Variants in CIPC observed in about 807,000 individuals in gnomAD.
CIPC encodes CLOCK-interacting pacemaker.
In CIPC, 12 loss-of-function variants were observed where a neutral mutation model predicts 26.7. The ratio of observed to expected loss-of-function variants is 0.45; its 90% confidence interval spans 0.29 to 0.73. The LOEUF (loss-of-function observed/expected upper bound fraction) is 0.73, where lower values mean the gene tolerates loss of function less well. CIPC is among the 30% of genes least tolerant of loss of function. The pLI is 0.12. For missense variants in CIPC, 417 were observed against 486.5 expected (o/e 0.86, Z 1.34); for synonymous variants, 170 against 189.8 (o/e 0.90, Z 0.86).
intron 1 of CIPC, among the ~76,000 whole-genome samples, chr14:77,100,595 G>A (rs1396289485): frequency 6.7e-6 from 1 of 149,010 alleles, no homozygotes; most frequent in Non-Finnish European, 1.5e-5. Context: ...TCTTTTGACG[G>A]AGTCTCACTC....
rs1273808964 is a variant in CIPC at position 77,113,914 on chromosome 14, G to A, written c.796G>A (p.Val266Ile). 1.2e-6 allele frequency: 2 copies of A among 1,614,182 alleles called. No individual in the cohort carries two copies. Among genetic ancestry groups the A allele is most frequent in the South Asian group, 1.1e-5 (1 of 91,090 alleles). ...GACCTTCGCTTCCCCCGCCAGTCCT[G>A]TCTGCGCATCAGACAGCACTCTCCA... Reference protein sequence around the residue: ...SLTFASPASPVCASDSTLHGL... With the variant: ...SLTFASPASPICASDSTLHGL... The change falls in exon 4 of 4, where the codon GTC becomes ATC. Residue 266 changes from valine to isoleucine, a missense_variant. Transcript: ENST00000361786.
Position 77,105,716 on chromosome 14 carries a change from G to A in CIPC, c.8G>A (p.Arg3Lys), listed in dbSNP as rs561538254. Residue 3 changes from arginine (R) to lysine (K), a missense_variant, in exon 2 of 4, where the codon AGG becomes AAG. By Grantham distance (26) the Arg-to-Lys change is conservative. Transcript: ENST00000361786. ME[R>K]KNPSRESPRR... ...CCTCCAGCTGAATAAACCATGGAGA[G>A]GAAAAACCCATCCAGAGAGAGCCCC... 3 of 1,613,964 alleles carry A rather than the reference G, an allele frequency of 1.9e-6. No homozygotes were observed. Among genetic ancestry groups the A allele is most frequent in the African/African-American group, 1.3e-5 (1 of 75,016 alleles).
chr14:77,108,113 A>G (rs1886626109), intron 2 of CIPC, among the ~76,000 whole-genome samples: 1 of 152,048 alleles, frequency 6.6e-6, no homozygotes, highest in Non-Finnish European at 1.5e-5. Context: ...TAGCATCTTG[A>G]CCAGAATACT....
In CIPC at chr14:77,114,233, G is replaced by C. The variant is rs1384753657; in HGVS notation, c.1115G>C (p.Trp372Ser). Residue 372 changes from tryptophan (W) to serine (S), a missense_variant, in exon 4 of 4, where the codon TGG (tryptophan) becomes TCG (serine). By Grantham distance (177) the Trp-to-Ser change is radical. Transcript: ENST00000361786. ...EATKSRAPQA[W>S]AKLQASLTPG... ...ACCAAGAGCAGGGCCCCTCAGGCTTGGGCCAAGCTGCAGGCATCTTTAACA... is the reference window on the plus strand; with the variant it reads ...ACCAAGAGCAGGGCCCCTCAGGCTTCGGCCAAGCTGCAGGCATCTTTAACA... 1 of 1,614,064 alleles carries C rather than the reference G, an allele frequency of 6.2e-7. No homozygotes were observed. The highest frequency in any genetic ancestry group is 8.5e-7 in the Non-Finnish European group (1 of 1,180,008).
Position 77,117,051 on chromosome 14 carries a change from T to C in CIPC, c.*2733T>C, listed in dbSNP as rs2140038729. 6.6e-6 allele frequency: 1 copy of C among 152,590 alleles called. No homozygotes were observed. The highest frequency in any genetic ancestry group is 2.1e-4 in the South Asian group (1 of 4,828). The allele number at this position is 152,590 out of a possible 1,614,324, so 9.5% of individuals were successfully genotyped here. A position where few individuals can be genotyped will look rare whatever the true frequency, so the allele number is the denominator to read the frequency against. Reference sequence around the variant, plus strand: ...GAATGGAATTTAATGACATTTGTAATTTATTACACTCATTGGTTTTTATTG... The same window carrying C: ...GAATGGAATTTAATGACATTTGTAACTTATTACACTCATTGGTTTTTATTG... On this transcript the variant is annotated 3_prime_UTR_variant, in exon 4 of 4. Transcript: ENST00000361786.
chr14:77,109,725 T>C (rs1886657889), intron 2 of CIPC, 87 bp from the exon 3 acceptor site: 6 of 1,247,568 alleles, frequency 4.8e-6, no homozygotes, highest in Non-Finnish European at 4.4e-6. Context: ...TTGCATTCAA[T>C]TTCAAGAGGT....
At chr14:77,105,448 G>C (rs900661807) in intron 1 of CIPC, among the ~76,000 whole-genome samples, 4 of 152,218 alleles carry the variant, frequency 2.6e-5, no homozygotes, top group Admixed American at 2.6e-4. Context: ...ATTTGTAATG[G>C]AATTAGAGGG....
chr14:77,109,963 G>T lies in CIPC; in HGVS notation c.288G>T (p.Lys96Asn). Residue 96 changes from lysine (K) to asparagine (N), a missense_variant, in exon 3 of 4, where the codon AAG becomes AAT. By Grantham distance (94) the Lys-to-Asn change is moderately conservative. Coordinates refer to ENST00000361786, the MANE Select transcript of CIPC (RefSeq NM_033426.3). Reference protein sequence around the residue: ...FPTLSPMVVMKNVLVKQGSSS... With the variant: ...FPTLSPMVVMNNVLVKQGSSS... Reference sequence around the variant, plus strand: ...CCCTGTCTCCCATGGTCGTCATGAAGAATGTGCTTGTCAAACAGGTGAGGA... The same window carrying T: ...CCCTGTCTCCCATGGTCGTCATGAATAATGTGCTTGTCAAACAGGTGAGGA... 1.2e-6 allele frequency: 2 copies of T among 1,614,118 alleles called. No homozygotes were observed. The highest frequency in any genetic ancestry group is 1.7e-6 in the Non-Finnish European group (2 of 1,180,004).
intron 3 of CIPC, among the ~76,000 whole-genome samples, chr14:77,110,289 C>T (rs893202766): frequency 1.3e-5 from 2 of 152,046 alleles, no homozygotes; most frequent in African/African-American, 4.8e-5. Flanking sequence ...GCAGAAATGG[C>T]ATCACTTCAA....
chr14:77,109,955 G>A lies in CIPC; in HGVS notation c.280G>A (p.Val94Ile), dbSNP rs775612059. 17 of 1,614,134 alleles carry A rather than the reference G, an allele frequency of 1.1e-5. No individual in the cohort carries two copies. Among genetic ancestry groups the A allele is most frequent in the East Asian group, 4.5e-5 (2 of 44,872 alleles). The change falls in exon 3 of 4, where the codon GTC becomes ATC. Residue 94 changes from valine (V) to isoleucine (I), a missense_variant. Physicochemically the swap from Val to Ile is conservative, Grantham distance 29. Coordinates refer to ENST00000361786, the MANE Select transcript of CIPC (RefSeq NM_033426.3). Reference protein sequence around the residue: ...NAFPTLSPMVVMKNVLVKQGS... With the variant: ...NAFPTLSPMVIMKNVLVKQGS... ...CTTCCCTACCCTGTCTCCCATGGTC[G>A]TCATGAAGAATGTGCTTGTCAAACA...
chr14:77,105,361 A>G (rs1389482396), intron 1 of CIPC, among the ~76,000 whole-genome samples: 1 of 151,750 alleles, frequency 6.6e-6, no homozygotes, highest in Non-Finnish European at 1.5e-5. Context: ...TTCGTTACCC[A>G]TTGGAAAAAG....
intron 1 of CIPC, among the ~76,000 whole-genome samples, chr14:77,103,807 A>C (rs1886539076): frequency 6.6e-6 from 1 of 152,126 alleles, no homozygotes; most frequent in Non-Finnish European, 1.5e-5. Flanking sequence ...CAGTAACTTC[A>C]GTCTCTACAT....
rs113074360 is a variant in CIPC, at chr14:77,115,766, A to G, written c.*1448A>G. ...AATGGTGGGATCTCGGCTCACTGCA[A>G]CCTCCGCCTCCTGGGTTCAAGTGAT... is the stretch of plus-strand genomic sequence containing the variant. On this transcript the variant is annotated 3_prime_UTR_variant, in exon 4 of 4. Transcript: ENST00000361786. 6,387 of 150,856 alleles carry G rather than the reference A, an allele frequency of 0.042. 425 individuals are homozygous for G. The highest frequency in any genetic ancestry group is 0.14 in the African/African-American group (5,799 of 40,988). The allele number at this position is 150,856 out of a possible 1,614,324, so 9.3% of individuals were successfully genotyped here.
chr14:77,108,292 GATAATACTTT>G, intron 2 of CIPC, among the ~76,000 whole-genome samples: 1 of 152,112 alleles, frequency 6.6e-6, no homozygotes, highest in Non-Finnish European at 1.5e-5. Context: ...TAATTTATGG[GATAATACTTT>G]ATAATTGTGT....
At chr14:77,113,355 G>T (rs752991460) in intron 3 of CIPC, 70 bp from the exon 4 acceptor site, 34 of 1,562,890 alleles carry the variant, frequency 2.2e-5, no homozygotes, top group Non-Finnish European at 3.0e-5. Flanking sequence ...TTGCCCCTTT[G>T]ACAGAAGCTT....
At chr14:77,112,702 T>G (rs1216367860) in intron 3 of CIPC, among the ~76,000 whole-genome samples, 1 of 148,918 alleles carries the variant, frequency 6.7e-6, no homozygotes, top group Admixed American at 6.7e-5. Flanking sequence ...TTTCTTTCTG[T>G]TTTTTTTTGT....
At chr14:77,110,927 A>G (rs1486469080) in intron 3 of CIPC, among the ~76,000 whole-genome samples, 1 of 152,244 alleles carries the variant, frequency 6.6e-6, no homozygotes, top group Admixed American at 6.5e-5. Flanking sequence ...ACCTAGTTGT[A>G]TATGAGGAAC....
chr14:77,104,165 G>C (rs1479891379), intron 1 of CIPC, among the ~76,000 whole-genome samples: 1 of 152,146 alleles, frequency 6.6e-6, no homozygotes, highest in East Asian at 1.9e-4. Flanking sequence ...CGTGGTGGAA[G>C]GATTGTTTGA....
intron 1 of CIPC, among the ~76,000 whole-genome samples, chr14:77,103,266 C>G (rs997636560): frequency 1.3e-5 from 2 of 152,170 alleles, no homozygotes; most frequent in South Asian, 4.1e-4. Context: ...TTATAAGCAT[C>G]CTTGTCTTCT....
Sources: allele counts gnomAD v4.1 joint callset (sites outside exome capture counted in the v4.1 genomes callset), GRCh38; gene constraint gnomAD v4.1.1; transcripts MANE v1.5; gene names NCBI Gene and HGNC (gene_info 2026-07-23, HGNC 2026-07-21).